Variants in SLC8A1 observed in about 807,000 individuals in gnomAD.
SLC8A1 encodes solute carrier family 8 member A1.
Under a neutral mutation model 68.3 loss-of-function variants are expected in SLC8A1, and 18 were observed. That is an observed-to-expected ratio of 0.26 (90% CI 0.18 to 0.39). The LOEUF (loss-of-function observed/expected upper bound fraction) is 0.39. SLC8A1 is among the 10% of genes least tolerant of loss of function. SLC8A1 has a pLI of 1.00. For missense variants in SLC8A1, 985 were observed against 1,156.7 expected (o/e 0.85, Z 2.15); for synonymous variants, 475 against 415.5 (o/e 1.14, Z -1.74).
chr2:40,425,567 T>A (rs1696640892), intron 2 of SLC8A1, among the ~76,000 whole-genome samples: 1 of 151,802 alleles, frequency 6.6e-6, no homozygotes. Flanking sequence ...AAACAAACAT[T>A]TTTTTTTCAA....
chr2:40,253,168 TACAC>T (rs1219634171), intron 2 of SLC8A1, among the ~76,000 whole-genome samples: 9 of 134,888 alleles, frequency 6.7e-5, no homozygotes, highest in Admixed American at 4.7e-4. Flanking sequence ...TATATGTATA[TACAC>T]ACAAATATAC....
chr2:40,454,154 C>T (rs1452212198), upstream of SLC8A1, among the ~76,000 whole-genome samples: 1 of 152,104 alleles, frequency 6.6e-6, no homozygotes, highest in Non-Finnish European at 1.5e-5. Context: ...AGATATTTGG[C>T]TCACACTCAA....
intron 1 of SLC8A1, among the ~76,000 whole-genome samples, chr2:40,489,073 C>G (rs1284741425): frequency 6.6e-6 from 1 of 152,164 alleles, no homozygotes; most frequent in Non-Finnish European, 1.5e-5. Flanking sequence ...ACAGCATTAA[C>G]TACTTTACCA....
chr2:40,436,672 C>T (rs1699482595), intron 1 of SLC8A1, among the ~76,000 whole-genome samples: 1 of 152,054 alleles, frequency 6.6e-6, no homozygotes, highest in African/African-American at 2.4e-5. Flanking sequence ...CATATTCAAG[C>T]ACAACAAAAA....
At chr2:40,416,054 T>TTAA (rs1469774658) in intron 2 of SLC8A1, among the ~76,000 whole-genome samples, 12 of 116,248 alleles carry the variant, frequency 1.0e-4, no homozygotes, top group African/African-American at 2.9e-4. Flanking sequence ...GGCTCTGTTT[T>TTAA]AAAAAAAAAA....
chr2:40,431,606 C>T (rs1698315047), intron 1 of SLC8A1, among the ~76,000 whole-genome samples: 2 of 152,144 alleles, frequency 1.3e-5, no homozygotes, highest in Admixed American at 1.3e-4. Context: ...TGCTCCAAGT[C>T]AAGGTGACTG....
intron 4 of SLC8A1, among the ~76,000 whole-genome samples, chr2:40,172,803 G>T (rs140101815): frequency 6.6e-6 from 1 of 152,002 alleles, no homozygotes; most frequent in Non-Finnish European, 1.5e-5. Flanking sequence ...TTAGCTAGGC[G>T]TGGTGGCACG....
At chr2:40,449,616 C>T (rs147630900) in intron 1 of SLC8A1, among the ~76,000 whole-genome samples, 139 of 152,266 alleles carry the variant, frequency 9.1e-4, no homozygotes, top group African/African-American at 3.1e-3. Flanking sequence ...CCCTGGTCAA[C>T]AAAAGGGCTA....
At chr2:40,220,466 T>C (rs2058162515) in intron 2 of SLC8A1, 1 of 152,224 alleles carries the variant, frequency 6.6e-6, no homozygotes, top group Non-Finnish European at 1.5e-5. Flanking sequence ...GAGCGGCCTT[T>C]GGGCACAGAT....
At chr2:40,210,957 G>A (rs534573314) in intron 2 of SLC8A1, among the ~76,000 whole-genome samples, 2 of 152,322 alleles carry the variant, frequency 1.3e-5, no homozygotes, top group South Asian at 4.1e-4. Flanking sequence ...AACTTACACA[G>A]GACATAGTCC....
At chr2:40,229,319 T>G (rs2059360411) in intron 2 of SLC8A1, among the ~76,000 whole-genome samples, 1 of 152,142 alleles carries the variant, frequency 6.6e-6, no homozygotes, top group African/African-American at 2.4e-5. Flanking sequence ...AAAATGCCAC[T>G]GTTCAACAGA....
chr2:40,388,934 G>A (rs560684592), intron 2 of SLC8A1, among the ~76,000 whole-genome samples: 1 of 152,228 alleles, frequency 6.6e-6, no homozygotes, highest in East Asian at 1.9e-4. Flanking sequence ...AGTGAATCTA[G>A]GGAACAAAGG....
At chr2:40,455,548 T>C (rs1702948753), upstream of SLC8A1, among the ~76,000 whole-genome samples, 1 of 121,546 alleles carries the variant, frequency 8.2e-6, no homozygotes, top group Non-Finnish European at 1.8e-5. Flanking sequence ...CATAAGAAAA[T>C]GTTATTACAT....
intron 2 of SLC8A1, among the ~76,000 whole-genome samples, chr2:40,192,728 G>C (rs1163924868): frequency 6.6e-6 from 1 of 151,944 alleles, no homozygotes. Flanking sequence ...ATATTTGTTG[G>C]TCCTGAATAC....
chr2:40,227,827 A>G (rs756414847), intron 2 of SLC8A1, among the ~76,000 whole-genome samples: 1 of 152,068 alleles, frequency 6.6e-6, no homozygotes, highest in East Asian at 1.9e-4. Context: ...GGTGCTATAT[A>G]TGACCAACAA....
chr2:40,191,844 G>C, intron 2 of SLC8A1, among the ~76,000 whole-genome samples: 1 of 152,100 alleles, frequency 6.6e-6, no homozygotes, highest in Middle Eastern at 3.2e-3. Flanking sequence ...TTCAGCTTTT[G>C]ACCCAGACAT....
chr2:40,505,703 CAGAAG>C (rs2149941431), intron 1 of SLC8A1, among the ~76,000 whole-genome samples: 1 of 151,980 alleles, frequency 6.6e-6, no homozygotes, highest in South Asian at 2.1e-4. Context: ...TAACAATATT[CAGAAG>C]ACTTATCTGT....
chr2:40,349,847 A>T (rs570346215), intron 2 of SLC8A1, among the ~76,000 whole-genome samples: 29 of 152,284 alleles, frequency 1.9e-4, no homozygotes, highest in African/African-American at 6.5e-4. Context: ...AAAAAGCTTG[A>T]AGAAAGACAA....
At chr2:40,260,933 A>G (rs996376446) in intron 2 of SLC8A1, among the ~76,000 whole-genome samples, 2 of 152,172 alleles carry the variant, frequency 1.3e-5, no homozygotes, top group African/African-American at 4.8e-5. Context: ...CCATCCACAA[A>G]TTAAAAGGGA....
Sources: allele counts gnomAD v4.1 joint callset (sites outside exome capture counted in the v4.1 genomes callset), GRCh38; gene constraint gnomAD v4.1.1; transcripts MANE v1.5; gene names NCBI Gene and HGNC (gene_info 2026-07-23, HGNC 2026-07-21).